Variants in SNX16 observed in about 807,000 individuals in gnomAD.
The protein encoded by SNX16 is sorting nexin 16.
In SNX16, 35 loss-of-function variants were observed where a neutral mutation model predicts 36.7. The ratio of observed to expected loss-of-function variants is 0.95; its 90% CI spans 0.73 to 1.27. SNX16 has a LOEUF of 1.27. Ranked by LOEUF, SNX16 falls within the 50% of genes most tolerant of loss-of-function variation. The probability of loss-of-function intolerance (pLI) is 0.00; values close to 1 mark genes in which losing one functional copy is unlikely to be tolerated. For missense variants in SNX16, 367 were observed against 393.6 expected (o/e 0.93, Z 0.57); for synonymous variants, 134 against 132.0 (o/e 1.02, Z -0.10).
intron 3 of SNX16, among the ~76,000 whole-genome samples, chr8:81,829,203 C>T (rs1419354331): frequency 6.7e-6 from 1 of 150,368 alleles, no homozygotes; most frequent in African/African-American, 2.4e-5. Flanking sequence ...ATCTTATACA[C>T]ATCTTTTTCA....
chr8:81,821,128 C>T (rs995390375), intron 4 of SNX16, among the ~76,000 whole-genome samples: 5 of 150,018 alleles, frequency 3.3e-5, no homozygotes, highest in African/African-American at 1.2e-4. Flanking sequence ...TAGATTCTTT[C>T]ATGCAAGATT....
intron 2 of SNX16, among the ~76,000 whole-genome samples, chr8:81,835,231 C>T (rs913717564): frequency 1.3e-5 from 2 of 152,192 alleles, no homozygotes; most frequent in African/African-American, 4.8e-5. Context: ...GGGCACCAAG[C>T]CTCTAGGCTG....
chr8:81,838,653 G>A (rs1358839807), intron 2 of SNX16, among the ~76,000 whole-genome samples: 1 of 150,482 alleles, frequency 6.6e-6, no homozygotes, highest in East Asian at 2.0e-4. Flanking sequence ...GAATCTAAAT[G>A]TGAAAGGTCC....
intron 3 of SNX16, among the ~76,000 whole-genome samples, chr8:81,827,857 T>A (rs1442486811): frequency 2.0e-5 from 3 of 152,158 alleles, no homozygotes; most frequent in African/African-American, 7.2e-5. Flanking sequence ...GCTTTCTTAT[T>A]AAACACCTGT....
rs867753958 is a variant in SNX16 at position 81,823,895 on chromosome 8, G to A, written c.508C>T (p.Arg170Cys). ...PGFRLALPPK[R>C]WFKDNYNADF... is the part of the protein sequence containing the mutation. ...GCATTGTAATTATCTTTAAACCAGCGTTTTGGAGGAAGTGCTAGTCGAAAA... is the reference window on the plus strand; with the variant it reads ...GCATTGTAATTATCTTTAAACCAGCATTTTGGAGGAAGTGCTAGTCGAAAA... The change falls in exon 4 of 8, where the codon CGC becomes TGC. Residue 170 changes from arginine to cysteine, a missense_variant. Arg to Cys is a radical substitution (Grantham distance 180, BLOSUM62 -3). Coordinates refer to ENST00000345957, the MANE Select transcript of SNX16 (RefSeq NM_152836.3). 9 of 1,611,512 alleles carry A rather than the reference G, an allele frequency of 5.6e-6. No individual in the cohort carries two copies. The highest frequency in any genetic ancestry group is 1.1e-5 in the South Asian group (1 of 90,586).
chr8:81,808,682 C>A, intron 5 of SNX16: 1 of 1,001,944 alleles, frequency 1.0e-6, no homozygotes, highest in Non-Finnish European at 1.6e-6. Context: ...ACCAAGGTGG[C>A]TATGGCGGTT....
intron 5 of SNX16, among the ~76,000 whole-genome samples, chr8:81,805,803 C>T (rs1809909211): frequency 6.6e-6 from 1 of 152,060 alleles, no homozygotes; most frequent in Admixed American, 6.5e-5. Context: ...GGCCTGTAGT[C>T]CCAGATACTC....
At chr8:81,822,947 CATATAT>C (rs949455303) in intron 4 of SNX16, among the ~76,000 whole-genome samples, 36 of 52,342 alleles carry the variant, frequency 6.9e-4, no homozygotes, top group Admixed American at 1.5e-3. Context: ...TATACATATA[CATATAT>C]ATATATATAT....
At chr8:81,837,539 C>T (rs1276570402) in intron 2 of SNX16, among the ~76,000 whole-genome samples, 1 of 152,128 alleles carries the variant, frequency 6.6e-6, no homozygotes, top group Non-Finnish European at 1.5e-5. Context: ...TGGAGAGGGC[C>T]TACTTTCTGG....
chr8:81,801,631 G>A, intron 7 of SNX16, 38 bp from the exon 8 acceptor site: 1 of 1,205,934 alleles, frequency 8.3e-7, no homozygotes, highest in Non-Finnish European at 1.2e-6. Flanking sequence ...ATCAATGATG[G>A]GACTGGATGC....
chr8:81,836,661 T>C (rs12674769), intron 2 of SNX16, among the ~76,000 whole-genome samples: 37,700 of 152,056 alleles, frequency 0.25, 5,223 homozygotes, highest in East Asian at 0.37. Context: ...TTCTCAGGAC[T>C]TCCTCCACCA....
intron 3 of SNX16, among the ~76,000 whole-genome samples, chr8:81,828,720 T>C (rs1261586171): frequency 6.6e-6 from 1 of 152,188 alleles, no homozygotes; most frequent in Non-Finnish European, 1.5e-5. Context: ...CTTTAGACTG[T>C]TTTCTCTAGC....
intron 5 of SNX16, among the ~76,000 whole-genome samples, chr8:81,813,609 G>T (rs1440282507): frequency 1.3e-5 from 2 of 151,718 alleles, no homozygotes; most frequent in African/African-American, 4.8e-5. Context: ...AAAAACTTTT[G>T]CACTTCAAAG....
intron 2 of SNX16, among the ~76,000 whole-genome samples, chr8:81,832,706 A>G (rs1188669603): frequency 6.6e-6 from 1 of 151,840 alleles, no homozygotes; most frequent in Non-Finnish European, 1.5e-5. Context: ...AAAAGCACCT[A>G]AGGAAAAAGT....
At chr8:81,836,282 C>G (rs1811492349) in intron 2 of SNX16, among the ~76,000 whole-genome samples, 1 of 152,078 alleles carries the variant, frequency 6.6e-6, no homozygotes, top group Non-Finnish European at 1.5e-5. Context: ...GAGAGCAATT[C>G]AAAAGAATAT....
At chr8:81,840,143 A>T in intron 1 of SNX16, 61 bp from the exon 2 acceptor site, 1 of 800,188 alleles carries the variant, frequency 1.2e-6, no homozygotes, top group South Asian at 2.4e-5. Context: ...ATTCAAAAGA[A>T]AAGTATTCTT....
At chr8:81,810,652 T>C (rs1054502230) in intron 5 of SNX16, among the ~76,000 whole-genome samples, 2 of 152,180 alleles carry the variant, frequency 1.3e-5, no homozygotes, top group Non-Finnish European at 2.9e-5. Flanking sequence ...AAACTTAATA[T>C]TGCCTTGGTG....
At chr8:81,831,637 G>T (rs1811271820) in intron 2 of SNX16, among the ~76,000 whole-genome samples, 1 of 149,644 alleles carries the variant, frequency 6.7e-6, no homozygotes, top group Non-Finnish European at 1.5e-5. Context: ...GGCAGAGGTT[G>T]CAGTGAGCCA....
chr8:81,811,391 T>G (rs909455910), intron 5 of SNX16, among the ~76,000 whole-genome samples: 1 of 152,148 alleles, frequency 6.6e-6, no homozygotes, highest in African/African-American at 2.4e-5. Flanking sequence ...CAGCAGAAAC[T>G]AAAATCTACA....
Sources: allele counts gnomAD v4.1 joint callset (sites outside exome capture counted in the v4.1 genomes callset), GRCh38; gene constraint gnomAD v4.1.1; transcripts MANE v1.5; gene names NCBI Gene and HGNC (gene_info 2026-07-23, HGNC 2026-07-21).